Variants in TRMT11 observed in about 807,000 individuals in gnomAD.
The protein encoded by TRMT11 is tRNA (guanine(10)-N(2))-methyltransferase TRMT11.
A neutral mutation model predicts 62.8 loss-of-function variants in TRMT11; 53 were observed. The observed-to-expected ratio is 0.84, with a 90% CI of 0.68 to 1.06. The LOEUF (loss-of-function observed/expected upper bound fraction) is 1.06, where lower values mean the gene tolerates loss of function less well. Among genes scored for constraint, TRMT11 ranks in the 50% least tolerant of loss-of-function variants. The pLI is 0.00. For synonymous variants in TRMT11, 188 were observed against 190.3 expected (o/e 0.99, Z 0.10); for missense variants, 556 against 553.4 (o/e 1.00, Z -0.05).
At chr6:125,992,807 C>G (rs2128742705) in intron 1 of TRMT11, among the ~76,000 whole-genome samples, 1 of 152,336 alleles carries the variant, frequency 6.6e-6, no homozygotes, top group African/African-American at 2.4e-5. Context: ...ACTGATTTAT[C>G]AGTAGTCTGT....
At chr6:126,143,249 G>T (rs1389976687) in intron 21 of TRMT11, among the ~76,000 whole-genome samples, 2 of 152,022 alleles carry the variant, frequency 1.3e-5, no homozygotes, top group African/African-American at 2.4e-5. Context: ...TCACTGAAAG[G>T]CCCTTAGCTT....
upstream of TRMT11, among the ~76,000 whole-genome samples, chr6:126,176,392 A>T (rs990989620): frequency 6.7e-6 from 1 of 149,392 alleles, no homozygotes; most frequent in African/African-American, 2.6e-5. Context: ...ATTATACATG[A>T]CTCTATAGTT....
intron 21 of TRMT11, among the ~76,000 whole-genome samples, chr6:126,137,916 A>C (rs1331374137): frequency 2.6e-5 from 4 of 151,870 alleles, no homozygotes; most frequent in African/African-American, 9.7e-5. Flanking sequence ...GGCAAATAAA[A>C]GTAGATCTCA....
intron 21 of TRMT11, among the ~76,000 whole-genome samples, chr6:126,121,540 G>A (rs1042869145): frequency 2.0e-5 from 3 of 152,118 alleles, no homozygotes; most frequent in South Asian, 2.1e-4. Flanking sequence ...ACAATTATTG[G>A]CAGTGAAATT....
rs1304096350 is a variant in TRMT11 at position 125,995,981 on chromosome 6, T to C, written c.153T>C (p.Ile51=). 6.2e-7 allele frequency: 1 copy of C among 1,610,270 alleles called. No individual in the cohort carries two copies. Among genetic ancestry groups the C allele is most frequent in the South Asian group, 1.1e-5 (1 of 90,996 alleles). The change falls in exon 3 of 13, where the codon ATT becomes ATC. Residue 51 remains isoleucine, a synonymous_variant. Coordinates refer to ENST00000334379, the MANE Select transcript of TRMT11 (RefSeq NM_001031712.3). ...ATTTCTTTTAGTCACCATTTTGGAT[T>C]CTTAGCATTCCCTCTGAAGATATTG... ...QETYGKSPFW[I]LSIPSEDIAR...
At chr6:126,152,302 A>G (rs1005650543) in intron 21 of TRMT11, among the ~76,000 whole-genome samples, 1 of 151,910 alleles carries the variant, frequency 6.6e-6, no homozygotes, top group Non-Finnish European at 1.5e-5. Flanking sequence ...CATGATCAGC[A>G]CAGTTATTAC....
At chr6:126,135,344 A>G (rs1230496381) in intron 21 of TRMT11, among the ~76,000 whole-genome samples, 1 of 151,788 alleles carries the variant, frequency 6.6e-6, no homozygotes, top group African/African-American at 2.4e-5. Flanking sequence ...GGATCATTAG[A>G]GACCATTATG....
intron 21 of TRMT11, among the ~76,000 whole-genome samples, chr6:126,124,164 G>A (rs1186099846): frequency 6.6e-6 from 1 of 152,032 alleles, no homozygotes; most frequent in Admixed American, 6.6e-5. Context: ...AAAGGTATTG[G>A]TAATAGGCTT....
chr6:126,091,528 G>C (rs1038068249), intron 17 of TRMT11, among the ~76,000 whole-genome samples: 6 of 151,922 alleles, frequency 3.9e-5, no homozygotes, highest in African/African-American at 1.5e-4. Flanking sequence ...GGTTGTGTTG[G>C]GGGAGGTGGC....
intron 17 of TRMT11, among the ~76,000 whole-genome samples, chr6:126,094,695 C>T (rs1010415774): frequency 6.6e-6 from 1 of 152,196 alleles, no homozygotes; most frequent in Non-Finnish European, 1.5e-5. Flanking sequence ...ACAATGGTTC[C>T]TTTTTGTAGC....
intron 17 of TRMT11, among the ~76,000 whole-genome samples, chr6:126,097,518 C>T (rs979501543): frequency 6.6e-6 from 1 of 152,114 alleles, no homozygotes; most frequent in Non-Finnish European, 1.5e-5. Context: ...TATAGTGGTG[C>T]TTGCCTGAGA....
At position 126,011,493 on chromosome 6, in the gene TRMT11, C is replaced by T. The variant is rs184719880; in HGVS notation, c.925+76C>T. 1.0e-4 allele frequency: 132 copies of T among 1,268,876 alleles called. No homozygotes were observed. The African/African-American group carries it at 1.5e-3, about 14-fold the overall frequency. The allele number at this position is 1,268,876 out of a possible 1,614,324, so 78.6% of individuals were successfully genotyped here. A position where few individuals can be genotyped will look rare whatever the true frequency, so the allele number is the denominator to read the frequency against. ...ATTTACATTTAAAGTACAAAATTTA[C>T]CAACACATGCACAAAATGCCAACTT... On this transcript the variant is annotated intron_variant, in intron 9 of 12. Coordinates refer to ENST00000334379, the MANE Select transcript of TRMT11 (RefSeq NM_001031712.3).
chr6:126,189,573 A>C (rs1778570312), intron 1 of TRMT11, among the ~76,000 whole-genome samples: 1 of 152,170 alleles, frequency 6.6e-6, no homozygotes, highest in Admixed American at 6.5e-5. Context: ...AGGGTTAAGG[A>C]AAATGGAGCA....
chr6:126,098,102 G>A (rs1777359472), intron 17 of TRMT11, among the ~76,000 whole-genome samples: 2 of 152,022 alleles, frequency 1.3e-5, no homozygotes, highest in African/African-American at 2.4e-5. Context: ...GCCTCAGAAG[G>A]CCACCCTGGA....
At chr6:126,175,332 G>A (rs2128238364), upstream of TRMT11, among the ~76,000 whole-genome samples, 1 of 152,302 alleles carries the variant, frequency 6.6e-6, no homozygotes, top group African/African-American at 2.4e-5. Flanking sequence ...CATAGGTTTA[G>A]TAAGTTTTGT....
intron 17 of TRMT11, among the ~76,000 whole-genome samples, chr6:126,072,586 C>T (rs755254251): frequency 1.3e-5 from 2 of 152,130 alleles, no homozygotes; most frequent in Non-Finnish European, 2.9e-5. Context: ...AGAACAATTA[C>T]ATTTTATATG....
intron 1 of TRMT11, among the ~76,000 whole-genome samples, chr6:126,178,481 T>C (rs1031973402): frequency 8.5e-5 from 13 of 152,226 alleles, no homozygotes; most frequent in African/African-American, 3.1e-4. Context: ...TTTCAGAGTC[T>C]ACCTCCCAGG....
chr6:126,187,071 G>A (rs748609469), intron 1 of TRMT11, among the ~76,000 whole-genome samples: 12 of 151,996 alleles, frequency 7.9e-5, no homozygotes, highest in Non-Finnish European at 1.5e-4. Context: ...AGGGAAGGAT[G>A]CCCATTGTCA....
chr6:126,098,037 C>T (rs1199467676), intron 17 of TRMT11, among the ~76,000 whole-genome samples: 1 of 152,124 alleles, frequency 6.6e-6, no homozygotes, highest in Non-Finnish European at 1.5e-5. Flanking sequence ...ACTGGAAGAG[C>T]ATGTGGTCTA....
Sources: gnomAD v4.1 joint callset for allele counts (sites outside exome capture counted in the v4.1 genomes callset) on GRCh38, gnomAD v4.1.1 for gene constraint, MANE v1.5 for transcripts, NCBI Gene and HGNC (gene_info 2026-07-23, HGNC 2026-07-21) for gene names.